FRY: variants seen among roughly 807,000 people sequenced by gnomAD.
The protein encoded by FRY is FRY microtubule binding protein.
Under a neutral mutation model 348.4 loss-of-function variants are expected in FRY, and 128 were observed. That is an observed-to-expected ratio of 0.37 (90% CI 0.32 to 0.43). FRY has a LOEUF of 0.43. Among genes scored for constraint, FRY ranks in the 20% least tolerant of loss-of-function variants. FRY has a pLI of 1.00. For missense variants in FRY, 2,736 were observed against 3,695.2 expected (o/e 0.74, Z 6.73); for synonymous variants, 1,370 against 1,374.7 (o/e 1.00, Z 0.08).
intron 4 of FRY, 29 bp from the exon 5 acceptor site, chr13:32,124,257 C>G (rs1230603891): frequency 7.7e-7 from 1 of 1,300,666 alleles, no homozygotes; most frequent in South Asian, 1.2e-5. Context: ...CTTCAGTGTG[C>G]TTTAATGTAA....
intron 1 of FRY, among the ~76,000 whole-genome samples, chr13:32,049,439 T>G (rs369318506): frequency 6.6e-6 from 1 of 151,202 alleles, no homozygotes; most frequent in African/African-American, 2.4e-5. Context: ...CCATAGGTTT[T>G]TTTGTTTGTT....
chr13:32,276,820 T>C (rs146250030), intron 57 of FRY, among the ~76,000 whole-genome samples: 1 of 152,212 alleles, frequency 6.6e-6, no homozygotes, highest in African/African-American at 2.4e-5. Flanking sequence ...AATGGGTATG[T>C]ACTTGATATG....
At position 32,227,932 on chromosome 13, in the gene FRY, G is replaced by A. The variant is rs145287753; in HGVS notation, c.5207-524G>A. Among the ~76,000 whole-genome samples, 524 of 151,984 alleles carry A rather than the reference G, an allele frequency of 3.4e-3. 3 individuals are homozygous for A. Among genetic ancestry groups the A allele is most frequent in the African/African-American group, 0.012 (499 of 41,444 alleles). ...ACGCTCGGCTAATTTTTGTATTTTT[G>A]GTAGAGACAGGGTTTCACCATGCTA... On this transcript the variant is annotated intron_variant, in intron 39 of 60. Coordinates refer to ENST00000542859, the MANE Select transcript of FRY (RefSeq NM_023037.3).
chr13:32,264,380 A>T (rs1396439747), intron 53 of FRY, among the ~76,000 whole-genome samples: 2 of 152,028 alleles, frequency 1.3e-5, no homozygotes, highest in African/African-American at 4.8e-5. Context: ...TTAATTCTAG[A>T]GTCAAAGTAT....
chr13:32,035,263 T>G (rs1872451808), intron 1 of FRY, among the ~76,000 whole-genome samples: 1 of 152,242 alleles, frequency 6.6e-6, no homozygotes, highest in Admixed American at 6.5e-5. Context: ...ACTACATAAA[T>G]AAATGTCAAA....
In FRY at chr13:32,209,013, T is replaced by C. The variant is rs1012902114; in HGVS notation, c.4179T>C (p.Gly1393=). The change falls in exon 32 of 61, where the codon GGT becomes GGC. Residue 1393 remains glycine, a synonymous_variant. Transcript: ENST00000542859. ...SPEDEVKDRE[G]DVTASHGLRG... is the part of the protein sequence containing the mutation. Reference sequence around the variant, plus strand: ...AGGACGAAGTCAAGGACCGGGAAGGTGACGTGACTGCTTCTCACGGGCTGA... The same window carrying C: ...AGGACGAAGTCAAGGACCGGGAAGGCGACGTGACTGCTTCTCACGGGCTGA... 3 of 1,613,998 alleles carry C rather than the reference T, an allele frequency of 1.9e-6. No individual in the cohort carries two copies. Among genetic ancestry groups the C allele is most frequent in the African/African-American group, 2.7e-5 (2 of 74,978 alleles).
intron 40 of FRY, among the ~76,000 whole-genome samples, chr13:32,229,502 G>A (rs1302523602): frequency 6.6e-6 from 1 of 152,164 alleles, no homozygotes; most frequent in Non-Finnish European, 1.5e-5. Flanking sequence ...AACTTAATGT[G>A]GGATTTAATG....
At chr13:32,248,639 A>G (rs1399863095) in intron 48 of FRY, among the ~76,000 whole-genome samples, 2 of 152,162 alleles carry the variant, frequency 1.3e-5, no homozygotes, top group Non-Finnish European at 2.9e-5. Context: ...CTGACCTTTC[A>G]TCATTTCAGT....
chr13:32,168,885 G>C lies in FRY; in HGVS notation c.1893-2127G>C, dbSNP rs142983849. ...ATCAAACTTTTGAAATACTATCTGA[G>C]AGTGATAACTGGGGTGACTTGTGTC... On this transcript the variant is annotated intron_variant, in intron 17 of 60. Coordinates refer to ENST00000542859, the MANE Select transcript of FRY (RefSeq NM_023037.3). Among the ~76,000 whole-genome samples, 599 of 152,330 alleles carry C rather than the reference G, an allele frequency of 3.9e-3. 4 individuals are homozygous for C. The highest frequency in any genetic ancestry group is 0.014 in the African/African-American group (569 of 41,570).
chr13:32,287,479 C>A (rs1889134712), intron 58 of FRY, among the ~76,000 whole-genome samples: 1 of 152,204 alleles, frequency 6.6e-6, no homozygotes, highest in Non-Finnish European at 1.5e-5. Flanking sequence ...GGCTATAATT[C>A]TTCAAATAAC....
intron 51 of FRY, among the ~76,000 whole-genome samples, chr13:32,259,194 A>G (rs1464070050): frequency 6.6e-6 from 1 of 152,166 alleles, no homozygotes; most frequent in South Asian, 2.1e-4. Flanking sequence ...GAGAGGAAGG[A>G]TGGAGGGTGG....
At chr13:32,175,918 A>G (rs556108575) in intron 20 of FRY, among the ~76,000 whole-genome samples, 1 of 152,194 alleles carries the variant, frequency 6.6e-6, no homozygotes, top group East Asian at 1.9e-4. Context: ...TTTTCATTGT[A>G]CTTATCACTT....
chr13:32,194,128 G>C lies in FRY; in HGVS notation c.3592-15G>C. On this transcript the variant is annotated splice_polypyrimidine_tract_variant and intron_variant, in intron 28 of 60. Transcript: ENST00000542859. ...CATCAAATGGGAATAATATTGATTT[G>C]CTCCATGTATTCAGGTTCATCAACT... 6.2e-7 allele frequency: 1 copy of C among 1,608,736 alleles called. No homozygotes were observed. The highest frequency in any genetic ancestry group is 1.3e-5 in the African/African-American group (1 of 74,850).
intron 13 of FRY, 62 bp downstream of exon 13, chr13:32,148,009 C>A: frequency 1.1e-6 from 1 of 908,702 alleles, no homozygotes. Context: ...CAGCCTCCTT[C>A]TTATGAAGTA....
rs576534317 is a variant in FRY at position 32,133,497 on chromosome 13, C to T, written c.886-1407C>T. ...TGAATTAAGACTTGAGAGAGTATTACATACTTATGCAAAATAATGTAGCAA... is the reference window on the plus strand; with the variant it reads ...TGAATTAAGACTTGAGAGAGTATTATATACTTATGCAAAATAATGTAGCAA... On this transcript the variant is annotated intron_variant, in intron 8 of 60. Coordinates refer to ENST00000542859, the MANE Select transcript of FRY (RefSeq NM_023037.3). 1.1e-3 allele frequency among the ~76,000 whole-genome samples: 166 copies of T among 152,266 alleles called. 1 individual carries two copies. The highest frequency in any genetic ancestry group is 3.8e-3 in the African/African-American group (159 of 41,542).
At chr13:32,243,305 T>G (rs1331068623) in intron 46 of FRY, among the ~76,000 whole-genome samples, 2 of 152,224 alleles carry the variant, frequency 1.3e-5, no homozygotes, top group African/African-American at 4.8e-5. Context: ...ATATATCCAT[T>G]TCCCTAGCGT....
chr13:32,181,727 A>C (rs1882726768), intron 23 of FRY, among the ~76,000 whole-genome samples: 1 of 152,264 alleles, frequency 6.6e-6, no homozygotes, highest in East Asian at 1.9e-4. Context: ...TATGCAACCA[A>C]CTAGCCTCAT....
chr13:32,124,523 A>G, intron 5 of FRY, 79 bp from the exon 6 acceptor site: 3 of 892,846 alleles, frequency 3.4e-6, no homozygotes, highest in Non-Finnish European at 5.6e-6. Context: ...ATTGATTGTC[A>G]TATATAGTTA....
intron 29 of FRY, among the ~76,000 whole-genome samples, chr13:32,197,630 C>A (rs913505563): frequency 6.6e-6 from 1 of 152,202 alleles, no homozygotes; most frequent in South Asian, 2.1e-4. Context: ...ACAAAAACAA[C>A]CTCTTGGCCT....
Sources: allele counts gnomAD v4.1 joint callset (sites outside exome capture counted in the v4.1 genomes callset), GRCh38; gene constraint gnomAD v4.1.1; transcripts MANE v1.5; gene names NCBI Gene and HGNC (gene_info 2026-07-23, HGNC 2026-07-21).